RNF152: variants seen among roughly 807,000 people sequenced by gnomAD.
RNF152 encodes the protein ring finger protein 152, also known as E3 ubiquitin-protein ligase RNF152.
In RNF152, 11 loss-of-function variants were observed where a neutral mutation model predicts 12.7. That is an observed-to-expected ratio of 0.86 (90% CI 0.54 to 1.43). The LOEUF (loss-of-function observed/expected upper bound fraction) is 1.43, where lower values mean the gene tolerates loss of function less well. RNF152 is among the 40% of genes most tolerant of loss of function. The probability of loss-of-function intolerance (pLI) is 0.00; values close to 1 mark genes in which losing one functional copy is unlikely to be tolerated. For synonymous variants in RNF152, 113 were observed against 120.3 expected, an observed-to-expected ratio of 0.94 and a Z score of 0.40; for missense variants, 255 against 274.8, an observed-to-expected ratio of 0.93 and a Z score of 0.51.
intron 1 of RNF152, among the ~76,000 whole-genome samples, chr18:61,821,736 G>A (rs546705429): frequency 1.3e-3 from 194 of 152,278 alleles, no homozygotes; most frequent in African/African-American, 4.3e-3. Context: ...GACAATTACC[G>A]CCTGAGCTCC....
chr18:61,851,017 T>C (rs980995606), intron 1 of RNF152, among the ~76,000 whole-genome samples: 6 of 150,944 alleles, frequency 4.0e-5, no homozygotes, highest in African/African-American at 1.5e-4. Context: ...CCAGGGTACA[T>C]ACCACCAGGT....
intron 1 of RNF152, among the ~76,000 whole-genome samples, chr18:61,836,311 T>G (rs1482510536): frequency 1.3e-5 from 2 of 151,354 alleles, no homozygotes; most frequent in African/African-American, 4.9e-5. Flanking sequence ...ATTTGAATAT[T>G]GAAAAAAAAA....
chr18:61,852,393 T>C (rs1467005633), intron 1 of RNF152, among the ~76,000 whole-genome samples: 1 of 152,234 alleles, frequency 6.6e-6, no homozygotes, highest in Admixed American at 6.5e-5. Context: ...CAATCTGTGG[T>C]GCTGAACATA....
At chr18:61,854,016 C>A (rs897788859) in intron 1 of RNF152, among the ~76,000 whole-genome samples, 3 of 152,164 alleles carry the variant, frequency 2.0e-5, no homozygotes, top group Non-Finnish European at 2.9e-5. Context: ...GTTGACTTGC[C>A]CAGGTCCACA....
rs769127648 is a variant in RNF152, at chr18:61,816,016, C to A, written c.448G>T (p.Ala150Ser). Residue 150 changes from alanine (A) to serine (S), a missense_variant, in exon 2 of 2, where the codon GCG (alanine) becomes TCG (serine). By Grantham distance (99) the Ala-to-Ser change is moderately conservative. Coordinates refer to ENST00000312828, the MANE Select transcript of RNF152 (RefSeq NM_173557.3). ...CGCCTGTCCTGCTCCTCCTCCACCG[C>A]CTCCTGGGGAGCCCCACCTTGCAGA... ...QPLQGGAPQE[A>S]VEEEQDRRGV... is the part of the protein sequence containing the mutation. 1.9e-6 allele frequency: 3 copies of A among 1,614,236 alleles called. No homozygotes were observed. The highest frequency in any genetic ancestry group is 1.7e-6 in the Non-Finnish European group (2 of 1,180,044).
chr18:61,844,082 GAAA>G (rs1910593776), intron 1 of RNF152, among the ~76,000 whole-genome samples: 1 of 33,990 alleles, frequency 2.9e-5, no homozygotes, highest in African/African-American at 1.1e-4. Flanking sequence ...AGAAAGGAAA[GAAA>G]GAAAGAAAGA....
rs1912813327 is a variant in RNF152, at chr18:61,808,719, T to C, written c.*7133A>G. On this transcript the variant is annotated 3_prime_UTR_variant, in exon 2 of 2. Coordinates refer to ENST00000312828, the MANE Select transcript of RNF152 (RefSeq NM_173557.3). Reference sequence around the variant, plus strand: ...GGCAACCAGGATATATAAACTGAAATATTCTTGAACTCATTTTCCCAACAG... The same window carrying C: ...GGCAACCAGGATATATAAACTGAAACATTCTTGAACTCATTTTCCCAACAG... 1 of 152,076 alleles carries C rather than the reference T, an allele frequency of 6.6e-6. No individual in the cohort carries two copies. Among genetic ancestry groups the C allele is most frequent in the Admixed American group, 6.6e-5 (1 of 15,266 alleles). 9.4% of individuals were successfully genotyped at this position (152,076 alleles called of 1,614,324 possible).
chr18:61,817,552 C>T (rs1449903641), intron 1 of RNF152, among the ~76,000 whole-genome samples: 1 of 152,088 alleles, frequency 6.6e-6, no homozygotes, highest in African/African-American at 2.4e-5. Flanking sequence ...TACCGAGGGC[C>T]ATCTTTTCAT....
chr18:61,817,417 C>T (rs968509585), intron 1 of RNF152, among the ~76,000 whole-genome samples: 9 of 152,162 alleles, frequency 5.9e-5, no homozygotes, highest in Admixed American at 2.6e-4. Flanking sequence ...AGGTTTGAAC[C>T]ACATGGATCC....
intron 1 of RNF152, among the ~76,000 whole-genome samples, chr18:61,884,474 A>T (rs1912602412): frequency 6.6e-6 from 1 of 151,320 alleles, no homozygotes; most frequent in Non-Finnish European, 1.5e-5. Context: ...AAACCAAATT[A>T]ATTATGAGTT....
intron 1 of RNF152, among the ~76,000 whole-genome samples, chr18:61,851,290 T>G (rs1239236159): frequency 6.6e-6 from 1 of 152,158 alleles, no homozygotes; most frequent in Non-Finnish European, 1.5e-5. Flanking sequence ...ATCACTGAAG[T>G]CCTTCACAAG....
At chr18:61,820,442 T>C (rs371753536) in intron 1 of RNF152, among the ~76,000 whole-genome samples, 28 of 151,618 alleles carry the variant, frequency 1.8e-4, no homozygotes, top group African/African-American at 6.5e-4. Flanking sequence ...ACAGGGTTCG[T>C]TGGTGAATCC....
At chr18:61,844,120 AAGAAAGAAAGAAAGAAAG>A (rs1910620430) in intron 1 of RNF152, among the ~76,000 whole-genome samples, 1 of 138,210 alleles carries the variant, frequency 7.2e-6, no homozygotes, top group Non-Finnish European at 1.6e-5. Flanking sequence ...GAAAGAAAGA[AAGAAAGAAAGAAAGAAAG>A]AAATTAAGAG....
At chr18:61,846,241 A>G (rs557663998) in intron 1 of RNF152, among the ~76,000 whole-genome samples, 1 of 152,216 alleles carries the variant, frequency 6.6e-6, no homozygotes, top group African/African-American at 2.4e-5. Flanking sequence ...CTTTTCCTCA[A>G]TCTTTTCTTT....
At chr18:61,825,353 G>T (rs1909609617) in intron 1 of RNF152, among the ~76,000 whole-genome samples, 2 of 152,156 alleles carry the variant, frequency 1.3e-5, no homozygotes, top group Non-Finnish European at 2.9e-5. Context: ...GGATTAAACA[G>T]AACCTTTAAA....
chr18:61,819,319 C>CGTG (rs1374682258), intron 1 of RNF152, among the ~76,000 whole-genome samples: 1 of 152,138 alleles, frequency 6.6e-6, no homozygotes, highest in Non-Finnish European at 1.5e-5. Flanking sequence ...GACTGTGGAC[C>CGTG]GTGGGCAGCC....
intron 1 of RNF152, among the ~76,000 whole-genome samples, chr18:61,840,032 C>T (rs1315442920): frequency 1.3e-5 from 2 of 152,226 alleles, no homozygotes; most frequent in African/African-American, 2.4e-5. Context: ...GCCTGGGTAA[C>T]AGGTGGGCTC....
At chr18:61,844,122 GAAAGAAAGAA>G (rs1169201046) in intron 1 of RNF152, among the ~76,000 whole-genome samples, 2 of 113,632 alleles carry the variant, frequency 1.8e-5, no homozygotes, top group East Asian at 2.4e-4. Flanking sequence ...AAGAAAGAAA[GAAAGAAAGAA>G]AGAAAGAAAT....
rs1026425974 is a variant in RNF152, at chr18:61,831,920, T to G, written c.-135-15322A>C. ...AATATTATAAATATAGTATTATGTGTGTGGGGGGGTGTGGGTGTGTATAGG... is the reference window on the plus strand; with the variant it reads ...AATATTATAAATATAGTATTATGTGGGTGGGGGGGTGTGGGTGTGTATAGG... On this transcript the variant is annotated intron_variant, in intron 1 of 1. Coordinates refer to ENST00000312828, the MANE Select transcript of RNF152 (RefSeq NM_173557.3). Among the ~76,000 whole-genome samples, 64 of 102,250 alleles carry G rather than the reference T, an allele frequency of 6.3e-4. 1 individual carries two copies. The highest frequency in any genetic ancestry group is 1.8e-3 in the African/African-American group (57 of 30,958). The allele number at this position is 102,250 out of a possible 152,430, so 67.1% of individuals were successfully genotyped here. A position where few individuals can be genotyped will look rare whatever the true frequency, so the allele number is the denominator to read the frequency against.
Sources: allele counts gnomAD v4.1 joint callset (sites outside exome capture counted in the v4.1 genomes callset), GRCh38; gene constraint gnomAD v4.1.1; transcripts MANE v1.5; gene names NCBI Gene and HGNC (gene_info 2026-07-23, HGNC 2026-07-21).